Variants in ZNF283 observed in about 807,000 individuals in gnomAD.
ZNF283 encodes the protein zinc finger protein 283, also known as zinc finger protein 41.
In ZNF283, 10 loss-of-function variants were observed where a neutral mutation model predicts 9.2. The ratio of observed to expected loss-of-function variants is 1.09; its 90% CI spans 0.67 to 1.85. The LOEUF is 1.85. ZNF283 is among the 40% of genes most tolerant of loss of function. The pLI, the probability that ZNF283 is intolerant of heterozygous loss-of-function variation, is 0.00. For missense variants in ZNF283, 631 were observed against 760.1 expected, an observed-to-expected ratio of 0.83 and a Z score of 2.00; for synonymous variants, 234 against 244.1, an observed-to-expected ratio of 0.96 and a Z score of 0.38.
intron 6 of ZNF283, among the ~76,000 whole-genome samples, chr19:43,841,663 C>T (rs2146566209): frequency 6.6e-6 from 1 of 152,248 alleles, no homozygotes; most frequent in East Asian, 1.9e-4. Flanking sequence ...GATTTCCTGA[C>T]CTCAGGTGAT....
chr19:43,851,564 A>C lies in ZNF283; in HGVS notation c.*2923A>C, dbSNP rs1240275981. 2 of 152,146 alleles carry C rather than the reference A, an allele frequency of 1.3e-5. No homozygotes were observed. The highest frequency in any genetic ancestry group is 2.9e-5 in the Non-Finnish European group (2 of 68,114). The allele number at this position is 152,146 out of a possible 1,614,324, so 9.4% of individuals were successfully genotyped here. On this transcript the variant is annotated 3_prime_UTR_variant, in exon 7 of 7. Coordinates refer to ENST00000618787, the MANE Select transcript of ZNF283 (RefSeq NM_181845.2). The stretch of plus-strand genomic sequence containing the variant: ...ACCCCGTCTCTACTAAAAATAGAAA[A>C]AATTAGCCGGGCGTGGTGGCGGGCG...
At chr19:43,829,744 C>T (rs531613798) in intron 2 of ZNF283, among the ~76,000 whole-genome samples, 1 of 152,018 alleles carries the variant, frequency 6.6e-6, no homozygotes, top group Admixed American at 6.5e-5. Flanking sequence ...AAAGTGGGGG[C>T]TGGGCACGGT....
intron 6 of ZNF283, among the ~76,000 whole-genome samples, chr19:43,842,392 G>C (rs916695768): frequency 6.6e-6 from 1 of 151,976 alleles, no homozygotes; most frequent in African/African-American, 2.4e-5. Flanking sequence ...CTTCTTTACC[G>C]GTCTTACAAT....
Position 43,848,244 on chromosome 19 carries a change from G to A in ZNF283, c.1643G>A (p.Cys548Tyr), listed in dbSNP as rs977691865. 1 of 1,613,730 alleles carries A rather than the reference G, an allele frequency of 6.2e-7. No individual in the cohort carries two copies. The highest frequency in any genetic ancestry group is 1.1e-5 in the South Asian group (1 of 91,068). Reference sequence around the variant, plus strand: ...GAGAAACCCTATGAATGTAAAGAATGTGGGAAGGCTTTTAGTCGTGGCTAT... The same window carrying A: ...GAGAAACCCTATGAATGTAAAGAATATGGGAAGGCTTTTAGTCGTGGCTAT... ...TGEKPYECKE[C>Y]GKAFSRGYHL... The change falls in exon 7 of 7, where the codon TGT (cysteine) becomes TAT (tyrosine). Residue 548 changes from cysteine (C) to tyrosine (Y), a missense_variant. Coordinates refer to ENST00000618787, the MANE Select transcript of ZNF283 (RefSeq NM_181845.2).
rs946326317 is a variant in ZNF283, at chr19:43,850,888, T to G, written c.*2247T>G. 3 of 152,208 alleles carry G rather than the reference T, an allele frequency of 2.0e-5. No individual in the cohort carries two copies. The highest frequency in any genetic ancestry group is 7.2e-5 in the African/African-American group (3 of 41,448). 9.4% of individuals were successfully genotyped at this position (152,208 alleles called of 1,614,324 possible). A position where few individuals can be genotyped will look rare whatever the true frequency, so the allele number is the denominator to read the frequency against. ...TACTCACACAGTTAGAAATCGACCCTTTTAAAAATTATTTCTTTTTGAAAA... is the reference window on the plus strand; with the variant it reads ...TACTCACACAGTTAGAAATCGACCCGTTTAAAAATTATTTCTTTTTGAAAA... On this transcript the variant is annotated 3_prime_UTR_variant, in exon 7 of 7. Coordinates refer to ENST00000618787, the MANE Select transcript of ZNF283 (RefSeq NM_181845.2).
intron 6 of ZNF283, among the ~76,000 whole-genome samples, chr19:43,843,846 G>A (rs144633955): frequency 5.9e-5 from 9 of 152,262 alleles, no homozygotes; most frequent in African/African-American, 1.9e-4. Flanking sequence ...TTAAGTTTTA[G>A]GGTGGTGTCA....
chr19:43,847,826 G>C lies in ZNF283; in HGVS notation c.1225G>C (p.Gly409Arg). The C allele has an allele frequency of 6.2e-7, 1 of 1,613,906 alleles. No individual in the cohort carries two copies. Among genetic ancestry groups the C allele is most frequent in the Non-Finnish European group, 8.5e-7 (1 of 1,179,938 alleles). The change falls in exon 7 of 7, where the codon GGG (glycine) becomes CGG (arginine). Residue 409 changes from glycine to arginine, a missense_variant. This residue lies in a region of ZNF283 where 444 missense variants were observed against 522.5 expected (regional missense o/e 0.85). Transcript: ENST00000618787. ...GEKPYECKEC[G>R]KAFNCGSSLI... is the part of the protein sequence containing the mutation. ...GAAACCCTATGAATGCAAGGAATGT[G>C]GGAAGGCTTTTAATTGCGGATCAAG... is the stretch of plus-strand genomic sequence containing the variant.
chr19:43,845,769 TATC>T (rs1971377734), intron 6 of ZNF283, among the ~76,000 whole-genome samples: 1 of 152,166 alleles, frequency 6.6e-6, no homozygotes, highest in Non-Finnish European at 1.5e-5. Flanking sequence ...TTTTCTATCA[TATC>T]ATACTTATGT....
At chr19:43,840,334 C>T (rs903422415) in intron 6 of ZNF283, among the ~76,000 whole-genome samples, 2 of 152,114 alleles carry the variant, frequency 1.3e-5, no homozygotes, top group East Asian at 3.9e-4. Flanking sequence ...TGTGCTGGTC[C>T]CTCAAGGTAA....
chr19:43,832,856 C>T (rs1166038972), intron 3 of ZNF283, among the ~76,000 whole-genome samples: 4 of 151,664 alleles, frequency 2.6e-5, no homozygotes, highest in Non-Finnish European at 5.9e-5. Context: ...TCTTTACAAA[C>T]AATTTTAAAG....
At chr19:43,842,115 A>T (rs954703239) in intron 6 of ZNF283, among the ~76,000 whole-genome samples, 1 of 152,050 alleles carries the variant, frequency 6.6e-6, no homozygotes, top group Non-Finnish European at 1.5e-5. Context: ...CTCCAATTAT[A>T]TGTGTGTTAG....
intron 3 of ZNF283, among the ~76,000 whole-genome samples, chr19:43,831,741 A>T (rs770306825): frequency 1.3e-5 from 2 of 151,980 alleles, no homozygotes; most frequent in Non-Finnish European, 2.9e-5. Context: ...CGATCCTCCC[A>T]CCTCAGAGGG....
At chr19:43,845,575 A>C (rs552251312) in intron 6 of ZNF283, among the ~76,000 whole-genome samples, 130 of 152,296 alleles carry the variant, frequency 8.5e-4, no homozygotes, top group Non-Finnish European at 1.5e-3. Context: ...TTAGATGTGT[A>C]GTATAAGGTA....
At chr19:43,834,827 C>T (rs984552723) in intron 4 of ZNF283, among the ~76,000 whole-genome samples, 1 of 152,076 alleles carries the variant, frequency 6.6e-6, no homozygotes, top group Non-Finnish European at 1.5e-5. Flanking sequence ...ATCTCCTGAC[C>T]TCATAATCCA....
rs751346470 is a variant in ZNF283 at position 43,847,708 on chromosome 19, T to A, written c.1107T>A (p.His369Gln). The A allele has an allele frequency of 6.2e-7, 1 of 1,613,422 alleles. No homozygotes were observed. Among genetic ancestry groups the A allele is most frequent in the South Asian group, 1.1e-5 (1 of 91,046 alleles). The change falls in exon 7 of 7, where the codon CAT (histidine) becomes CAA (glutamine). Residue 369 changes from histidine (H) to glutamine (Q), a missense_variant. His to Gln is a conservative substitution (Grantham distance 24). This residue lies in a region of ZNF283 where 444 missense variants were observed against 522.5 expected (regional missense o/e 0.85). Transcript: ENST00000618787. ...GYQLTQHQKI[H>Q]TGKKPYECKI... ...AGCTTACTCAGCATCAGAAAATCCA[T>A]ACTGGTAAGAAACCTTATGAATGTA...
chr19:43,829,478 G>A (rs1970610327), intron 2 of ZNF283, among the ~76,000 whole-genome samples: 1 of 152,178 alleles, frequency 6.6e-6, no homozygotes, highest in South Asian at 2.1e-4. Context: ...TGTGTGCTTA[G>A]ACAATTGATT....
At chr19:43,830,901 T>TAAAA (rs367850643) in intron 2 of ZNF283, among the ~76,000 whole-genome samples, 6 of 73,842 alleles carry the variant, frequency 8.1e-5, no homozygotes, top group South Asian at 5.8e-4. Context: ...AGACTCCATC[T>TAAAA]AAAAAAAAAA....
At chr19:43,835,969 G>A (rs560163095) in intron 5 of ZNF283, among the ~76,000 whole-genome samples, 1 of 152,294 alleles carries the variant, frequency 6.6e-6, no homozygotes, top group African/African-American at 2.4e-5. Context: ...TCCTATATCA[G>A]TATCCTCATG....
rs879223648 is a variant in ZNF283 at position 43,847,912 on chromosome 19, A to C, written c.1311A>C (p.Gly437=). The C allele has an allele frequency of 2.5e-6, 4 of 1,607,110 alleles. No homozygotes were observed. Among genetic ancestry groups the C allele is most frequent in the Non-Finnish European group, 3.4e-6 (4 of 1,177,366 alleles). ...GEKPYECKEC[G]KAFSRGYHLS... ...AACCTTATGAATGTAAAGAATGTGG[A>C]AAGGCCTTTAGTCGTGGCTATCACC... The change falls in exon 7 of 7, where the codon GGA becomes GGC. Residue 437 remains glycine (G), a synonymous_variant. Coordinates refer to ENST00000618787, the MANE Select transcript of ZNF283 (RefSeq NM_181845.2).
Sources: allele counts gnomAD v4.1 joint callset (sites outside exome capture counted in the v4.1 genomes callset), GRCh38; gene constraint gnomAD v4.1.1; regional missense constraint gnomAD v4.1.1; transcripts MANE v1.5; gene names NCBI Gene and HGNC (gene_info 2026-07-23, HGNC 2026-07-21).